The following CCDC30 variants were observed in gnomAD, a reference collection of about 807,000 sequenced individuals.
CCDC30 encodes coiled-coil domain-containing protein 30.
CCDC30 carries 70 observed loss-of-function variants against 100.2 expected under a neutral mutation model. The observed-to-expected ratio is 0.70, with a 90% confidence interval of 0.58 to 0.85. The LOEUF is 0.85. Among genes scored for constraint, CCDC30 ranks in the 40% least tolerant of loss-of-function variants. The probability of loss-of-function intolerance (pLI) is 0.00; values close to 1 mark genes in which losing one functional copy is unlikely to be tolerated. For synonymous variants in CCDC30, 233 were observed against 269.5 expected, an observed-to-expected ratio of 0.86 and a Z score of 1.33; for missense variants, 652 against 771.2, an observed-to-expected ratio of 0.85 and a Z score of 1.83.
intron 2 of CCDC30, 142 bp downstream of exon 2, chr1:42,480,708 TA>T: frequency 1.3e-6 from 1 of 767,080 alleles, no homozygotes; most frequent in Non-Finnish European, 1.6e-6. Flanking sequence ...AGAACCTGTG[TA>T]ACAGTCTAAA....
chr1:42,627,174 A>C (rs1417940975), intron 11 of CCDC30, among the ~76,000 whole-genome samples: 1 of 152,108 alleles, frequency 6.6e-6, no homozygotes, highest in Non-Finnish European at 1.5e-5. Flanking sequence ...CTTGTTGGGA[A>C]CTGGAGCAAG....
chr1:42,527,030 A>G (rs1232059707), intron 6 of CCDC30, among the ~76,000 whole-genome samples: 1 of 152,138 alleles, frequency 6.6e-6, no homozygotes, highest in Non-Finnish European at 1.5e-5. Flanking sequence ...TTTCCAACAT[A>G]CTTTGTGTTC....
intron 6 of CCDC30, among the ~76,000 whole-genome samples, chr1:42,550,872 T>C (rs552313748): frequency 2.9e-4 from 44 of 152,366 alleles, no homozygotes; most frequent in Non-Finnish European, 5.0e-4. Flanking sequence ...AATAAATGAC[T>C]GAATCTTTTT....
upstream of CCDC30, among the ~76,000 whole-genome samples, chr1:42,458,286 T>C (rs969611473): frequency 6.6e-6 from 1 of 152,056 alleles, no homozygotes; most frequent in Non-Finnish European, 1.5e-5. Flanking sequence ...GTGGGTAGAT[T>C]AGTTGGGGGC....
At chr1:42,576,697 T>C (rs995134607) in intron 7 of CCDC30, among the ~76,000 whole-genome samples, 4 of 152,212 alleles carry the variant, frequency 2.6e-5, no homozygotes, top group African/African-American at 4.8e-5. Context: ...TGGATTTATT[T>C]TGGCAATGAA....
intron 9 of CCDC30, among the ~76,000 whole-genome samples, chr1:42,586,450 G>T (rs567918536): frequency 6.6e-6 from 1 of 151,892 alleles, no homozygotes; most frequent in African/African-American, 2.4e-5. Context: ...AGGACTATAG[G>T]CATACCCAAC....
downstream of CCDC30, among the ~76,000 whole-genome samples, chr1:42,656,160 T>C (rs938774208): frequency 6.6e-6 from 1 of 152,172 alleles, no homozygotes; most frequent in African/African-American, 2.4e-5. Flanking sequence ...TGAGCCTCTA[T>C]GCCAGGCCTG....
Position 42,615,460 on chromosome 1 carries a change from G to A in CCDC30, c.1277+4370G>A, listed in dbSNP as rs118133521. On this transcript the variant is annotated intron_variant, in intron 11 of 16. Transcript: ENST00000668663. ...TTACAGGCGCACGCCACTACTGCCCGGCTAATTTTTATATTTTTAATAGAG... is the reference window on the plus strand; with the variant it reads ...TTACAGGCGCACGCCACTACTGCCCAGCTAATTTTTATATTTTTAATAGAG... Among the ~76,000 whole-genome samples the A allele has an allele frequency of 7.9e-5, 12 of 152,034 alleles. No individual in the cohort carries two copies. In the East Asian group the frequency reaches 9.7e-4, roughly 12 times the overall value.
chr1:42,474,171 C>T (rs1449550379), intron 1 of CCDC30, among the ~76,000 whole-genome samples: 6 of 152,176 alleles, frequency 3.9e-5, no homozygotes, highest in Non-Finnish European at 7.4e-5. Context: ...AAGAATGCAG[C>T]TCCTTTAGAA....
At chr1:42,595,287 C>T (rs1007399133) in intron 10 of CCDC30, 9 of 152,376 alleles carry the variant, frequency 5.9e-5, no homozygotes, top group African/African-American at 2.2e-4. Flanking sequence ...TGGCTCACGC[C>T]TGCCATCCCA....
At chr1:42,586,726 G>GA (rs1318914936) in intron 9 of CCDC30, among the ~76,000 whole-genome samples, 6 of 152,086 alleles carry the variant, frequency 3.9e-5, no homozygotes, top group Non-Finnish European at 5.9e-5. Context: ...TCAAGGAACA[G>GA]AAAAAATATA....
Position 42,623,535 on chromosome 1 carries a change from G to C in CCDC30, c.1277+12445G>C, listed in dbSNP as rs1052476093. On this transcript the variant is annotated intron_variant, in intron 11 of 16. Coordinates refer to ENST00000668663, the Ensembl canonical transcript of CCDC30. ...GTTCTTGGCACCTTTGTCAAAATGA[G>C]TTCACTGTAGGTGTGTGGATTTGTT... is the stretch of plus-strand genomic sequence containing the variant. Among the ~76,000 whole-genome samples the C allele has an allele frequency of 9.9e-5, 15 of 152,264 alleles. 1 individual carries two copies. In the South Asian group the frequency reaches 3.1e-3, roughly 32 times the overall value.
intron 6 of CCDC30, among the ~76,000 whole-genome samples, chr1:42,552,085 G>A (rs1223842789): frequency 6.6e-6 from 1 of 151,988 alleles, no homozygotes; most frequent in African/African-American, 2.4e-5. Flanking sequence ...TCTTTTGGGG[G>A]AGCATTTATT....
At chr1:42,533,074 A>G (rs1242395053) in intron 6 of CCDC30, among the ~76,000 whole-genome samples, 5 of 152,196 alleles carry the variant, frequency 3.3e-5, no homozygotes, top group African/African-American at 7.2e-5. Context: ...TTTAGTTTTG[A>G]CGTAAATCTT....
intron 6 of CCDC30, among the ~76,000 whole-genome samples, chr1:42,515,977 T>G (rs1472714616): frequency 6.6e-6 from 1 of 152,226 alleles, no homozygotes; most frequent in African/African-American, 2.4e-5. Flanking sequence ...CTTGGGTGGC[T>G]TCCACATTTT....
chr1:42,500,214 GC>G, intron 6 of CCDC30: 2 of 1,569,810 alleles, frequency 1.3e-6, no homozygotes, highest in East Asian at 4.5e-5. Context: ...ATTATGATTC[GC>G]CTGCTTGCTT....
chr1:42,542,539 C>CTTTTTTTTTTTTTTTTTTTTTTTTTTTT (rs58751072), intron 6 of CCDC30, among the ~76,000 whole-genome samples: 2 of 75,562 alleles, frequency 2.6e-5, no homozygotes, highest in Non-Finnish European at 5.1e-5. Context: ...TTAAATTTTT[C>CTTTTTTTTTTTTTTTTTTTTTTTTTTTT]TTTTTTTTTT....
intron 6 of CCDC30, among the ~76,000 whole-genome samples, chr1:42,528,004 T>C (rs1569921263): frequency 6.6e-6 from 1 of 152,330 alleles, no homozygotes; most frequent in Non-Finnish European, 1.5e-5. Context: ...TAGCTGGGAT[T>C]ACAGGTGCCC....
intron 6 of CCDC30, 122 bp downstream of exon 10, chr1:42,556,527 T>A: frequency 9.5e-7 from 1 of 1,048,480 alleles, no homozygotes; most frequent in Non-Finnish European, 1.3e-6. Flanking sequence ...AGGTACATAG[T>A]AGATGTGTGT....
Sources: gnomAD v4.1 joint callset for allele counts (sites outside exome capture counted in the v4.1 genomes callset) on GRCh38, gnomAD v4.1.1 for gene constraint, MANE v1.5 for transcripts, NCBI Gene and HGNC (gene_info 2026-07-23, HGNC 2026-07-21) for gene names.